PPP2R2C: variants seen among roughly 807,000 people sequenced by gnomAD.
The protein encoded by PPP2R2C is protein phosphatase 2, regulatory subunit B, gamma.
A neutral mutation model predicts 45.3 loss-of-function variants in PPP2R2C; 10 were observed. The observed-to-expected ratio is 0.22, with a 90% CI of 0.14 to 0.37. PPP2R2C has a LOEUF of 0.37. PPP2R2C is among the 10% of genes least tolerant of loss of function. The probability of loss-of-function intolerance (pLI) is 1.00; values close to 1 mark genes in which losing one functional copy is unlikely to be tolerated. For missense variants in PPP2R2C, 308 were observed against 619.7 expected, an observed-to-expected ratio of 0.50 and a Z score of 5.34; for synonymous variants, 257 against 245.4, an observed-to-expected ratio of 1.05 and a Z score of -0.44.
At chr4:6,475,468 C>T (rs888092745), upstream of PPP2R2C, among the ~76,000 whole-genome samples, 4 of 152,188 alleles carry the variant, frequency 2.6e-5, no homozygotes, top group Non-Finnish European at 4.4e-5. Context: ...CAGCTACACT[C>T]GCCATCTCCT....
chr4:6,491,759 T>TTC (rs760876498), intron 2 of PPP2R2C, among the ~76,000 whole-genome samples: 12 of 151,896 alleles, frequency 7.9e-5, no homozygotes, highest in African/African-American at 1.2e-4. Context: ...CACTTCCCCC[T>TTC]TCTCTCTCTC....
At chr4:6,434,459 A>C (rs1056037321) in intron 1 of PPP2R2C, among the ~76,000 whole-genome samples, 1 of 146,138 alleles carries the variant, frequency 6.8e-6, no homozygotes, top group Non-Finnish European at 1.5e-5. Context: ...CCTGGGTTCA[A>C]GCGATTCTCG....
chr4:6,437,280 T>C (rs1719939099), intron 1 of PPP2R2C, among the ~76,000 whole-genome samples: 1 of 152,204 alleles, frequency 6.6e-6, no homozygotes, highest in Non-Finnish European at 1.5e-5. Context: ...CAACAAAGCT[T>C]GGTAAAGGGC....
chr4:6,381,707 C>T, intron 1 of PPP2R2C: 1 of 1,565,568 alleles, frequency 6.4e-7, no homozygotes. Context: ...CCTGACCCTC[C>T]CTGCACTTCA....
At chr4:6,341,338 CA>C (rs10604483) in intron 6 of PPP2R2C, among the ~76,000 whole-genome samples, 8,027 of 91,278 alleles carry the variant, frequency 0.088, 304 homozygotes, top group African/African-American at 0.17. Flanking sequence ...GACTCCATTT[CA>C]AAAAAAAAAA....
chr4:6,501,365 C>A (rs950054589), intron 2 of PPP2R2C, among the ~76,000 whole-genome samples: 1 of 152,026 alleles, frequency 6.6e-6, no homozygotes, highest in Admixed American at 6.5e-5. Context: ...GAGCAGATAC[C>A]AAGAATACAG....
intron 1 of PPP2R2C, chr4:6,384,120 G>T (rs1196622319): frequency 1.0e-5 from 10 of 985,200 alleles, no homozygotes; most frequent in Non-Finnish European, 1.2e-5. Context: ...TCCTGACATT[G>T]TCCCTCCGTG....
intron 1 of PPP2R2C, among the ~76,000 whole-genome samples, chr4:6,536,355 G>A (rs1296240073): frequency 6.6e-6 from 1 of 152,096 alleles, no homozygotes; most frequent in Non-Finnish European, 1.5e-5. Context: ...AAATCAACAA[G>A]AAGACAAAGA....
intron 5 of PPP2R2C, among the ~76,000 whole-genome samples, chr4:6,367,458 A>G (rs1560485833): frequency 6.6e-6 from 1 of 151,964 alleles, no homozygotes; most frequent in East Asian, 1.9e-4. Flanking sequence ...AGGCCTCCTG[A>G]CCCTGGGTTT....
rs572097653 is a variant in PPP2R2C, at chr4:6,423,649, A to T, written c.71-42555T>A. ...GTAATACAGTACTTTGGAGGAAATG[A>T]ACAAAGGGTTGAAGTGAGAAAATGG... is the stretch of plus-strand genomic sequence containing the variant. On this transcript the variant is annotated intron_variant, in intron 1 of 8. Transcript: ENST00000382599. Among the ~76,000 whole-genome samples, 8 of 152,390 alleles carry T rather than the reference A, an allele frequency of 5.2e-5. No homozygotes were observed. The South Asian group carries it at 1.4e-3, about 28-fold the overall frequency.
rs114900762 is a variant in PPP2R2C at position 6,506,250 on chromosome 4, T to C, written c.49+29021A>G. 2.1e-3 allele frequency among the ~76,000 whole-genome samples: 314 copies of C among 152,364 alleles called. No homozygotes were observed. In the Middle Eastern group the frequency reaches 0.024, roughly 12 times the overall value. ...TGAGGTGATAAAAACTTCCAATATC[T>C]ATTTTGTGTAATGGTTACATGTTTG... On this transcript the variant is annotated intron_variant, in intron 2 of 9. Coordinates refer to the PPP2R2C transcript ENST00000506140.
chr4:6,358,669 TC>T (rs1713456211), intron 5 of PPP2R2C, among the ~76,000 whole-genome samples: 1 of 151,718 alleles, frequency 6.6e-6, no homozygotes, highest in Admixed American at 6.6e-5. Context: ...AACAACACCA[TC>T]AAAAAGTGGG....
intron 1 of PPP2R2C, among the ~76,000 whole-genome samples, chr4:6,390,860 C>T (rs1215514042): frequency 1.3e-5 from 2 of 152,138 alleles, no homozygotes; most frequent in Non-Finnish European, 2.9e-5. Flanking sequence ...ATTCCACTCT[C>T]GCTGAAGAAC....
At chr4:6,465,201 C>G (rs1359130454) in intron 1 of PPP2R2C, among the ~76,000 whole-genome samples, 1 of 151,754 alleles carries the variant, frequency 6.6e-6, no homozygotes, top group African/African-American at 2.4e-5. Context: ...AGCTATGGAC[C>G]CCTACTTCAC....
intron 1 of PPP2R2C, chr4:6,384,373 G>C: frequency 1.0e-6 from 1 of 985,424 alleles, no homozygotes; most frequent in South Asian, 4.7e-5. Context: ...AGCTGGAAGA[G>C]AATTCTCCAA....
chr4:6,357,133 G>A lies in PPP2R2C; in HGVS notation c.626-9123C>T, dbSNP rs1713275787. Among the ~76,000 whole-genome samples, 6 of 149,572 alleles carry A rather than the reference G, an allele frequency of 4.0e-5. No individual in the cohort carries two copies. In the South Asian group the frequency reaches 1.1e-3, roughly 27 times the overall value. On this transcript the variant is annotated intron_variant, in intron 5 of 8. Coordinates refer to ENST00000382599, the MANE Select transcript of PPP2R2C (RefSeq NM_020416.4). ...GCCTCAAATCCCCCTTTCATCTGCT[G>A]TGGCACCTCGGGTCAGTCTCAGCCT...
intron 8 of PPP2R2C, among the ~76,000 whole-genome samples, chr4:6,327,134 G>A (rs1732007333): frequency 6.6e-6 from 1 of 152,210 alleles, no homozygotes; most frequent in Admixed American, 6.5e-5. Flanking sequence ...AACACCCACA[G>A]CCACTGGACA....
chr4:6,420,749 A>C (rs878281), intron 1 of PPP2R2C, among the ~76,000 whole-genome samples: 102,866 of 152,094 alleles, frequency 0.68, 35,795 homozygotes, highest in Non-Finnish European at 0.76. Flanking sequence ...CTGGTTAAAC[A>C]TGAGACAATG....
At chr4:6,561,705 A>T (rs925935493) in intron 1 of PPP2R2C, among the ~76,000 whole-genome samples, 1 of 152,108 alleles carries the variant, frequency 6.6e-6, no homozygotes, top group Non-Finnish European at 1.5e-5. Flanking sequence ...AGACACACCC[A>T]CAGATACATA....
Sources: gnomAD v4.1 joint callset for allele counts (sites outside exome capture counted in the v4.1 genomes callset) on GRCh38, gnomAD v4.1.1 for gene constraint, MANE v1.5 for transcripts, NCBI Gene and HGNC (gene_info 2026-07-23, HGNC 2026-07-21) for gene names.